The following EGFR variants were observed in gnomAD, a reference collection of about 807,000 sequenced individuals.
The protein encoded by EGFR is avian erythroblastic leukemia viral (v-erb-b) oncogene homolog.
In EGFR, 58 loss-of-function variants were observed where a neutral mutation model predicts 143.0. That is an observed-to-expected ratio of 0.41 (90% CI 0.33 to 0.50). EGFR has a LOEUF of 0.50. Ranked by LOEUF, EGFR falls within the 20% of genes least tolerant of loss-of-function variation. The pLI, the probability that EGFR is intolerant of heterozygous loss-of-function variation, is 0.39. For synonymous variants in EGFR, 613 were observed against 594.4 expected, an observed-to-expected ratio of 1.03 and a Z score of -0.45; for missense variants, 1,307 against 1,579.0, an observed-to-expected ratio of 0.83 and a Z score of 2.92.
chr7:55,070,008 C>G (rs1789727427), intron 1 of EGFR, among the ~76,000 whole-genome samples: 2 of 152,170 alleles, frequency 1.3e-5, no homozygotes. Context: ...CCTGAAGTAT[C>G]TTTAAATTTA....
rs1788091561 is a variant in EGFR at position 55,205,917 on chromosome 7, T to C, written c.*300T>C. ...ATATTTGAAAAAAAAAAAAAGTATATGTGAGGATTTTTATTGATTGGGGAT... is the reference window on the plus strand; with the variant it reads ...ATATTTGAAAAAAAAAAAAAGTATACGTGAGGATTTTTATTGATTGGGGAT... On this transcript the variant is annotated 3_prime_UTR_variant, in exon 28 of 28. Transcript: ENST00000275493. 2.2e-6 allele frequency: 1 copy of C among 460,210 alleles called. No homozygotes were observed. The highest frequency in any genetic ancestry group is 2.4e-5 in the South Asian group (1 of 41,008). 28.5% of individuals were successfully genotyped at this position (460,210 alleles called of 1,614,324 possible).
At chr7:55,173,811 C>A (rs2128953289) in intron 17 of EGFR, 110 bp from the exon 18 acceptor site, 1 of 1,578,426 alleles carries the variant, frequency 6.3e-7, no homozygotes, top group Non-Finnish European at 8.7e-7. Context: ...GTCCTGGCAC[C>A]CAAGCCCATG....
At chr7:55,170,559 C>A (rs565556314) in intron 15 of EGFR, 1 of 1,612,516 alleles carries the variant, frequency 6.2e-7, no homozygotes, top group South Asian at 1.1e-5. Context: ...CATGCCTTCA[C>A]GTGTCTGTTC....
At chr7:55,086,116 T>C (rs898562199) in intron 1 of EGFR, among the ~76,000 whole-genome samples, 4 of 152,208 alleles carry the variant, frequency 2.6e-5, no homozygotes, top group African/African-American at 9.6e-5. Context: ...AATTATCTCG[T>C]GTCTACAGTG....
At chr7:55,112,915 CT>C (rs1792601422) in intron 1 of EGFR, among the ~76,000 whole-genome samples, 1 of 152,298 alleles carries the variant, frequency 6.6e-6, no homozygotes, top group African/African-American at 2.4e-5. Context: ...CAGCCTTTGT[CT>C]TTTATAATGG....
intron 1 of EGFR, among the ~76,000 whole-genome samples, chr7:55,050,606 G>A (rs1342068136): frequency 6.6e-6 from 1 of 152,134 alleles, no homozygotes; most frequent in Non-Finnish European, 1.5e-5. Context: ...TCACTCCCCA[G>A]CTTAAAACCT....
At chr7:55,020,135 C>T (rs1260022438) in intron 1 of EGFR, among the ~76,000 whole-genome samples, 1 of 152,240 alleles carries the variant, frequency 6.6e-6, no homozygotes, top group East Asian at 1.9e-4. Context: ...CAGGTGGGGT[C>T]CGACCCGCCC....
chr7:55,054,793 C>T (rs17289050), intron 1 of EGFR, among the ~76,000 whole-genome samples: 2 of 152,330 alleles, frequency 1.3e-5, no homozygotes, highest in African/African-American at 4.8e-5. Context: ...GGCATGGCTG[C>T]TTCTTCCTCA....
chr7:55,146,056 C>A (rs1373296121), intron 3 of EGFR, among the ~76,000 whole-genome samples: 3 of 152,182 alleles, frequency 2.0e-5, no homozygotes, highest in Admixed American at 1.3e-4. Flanking sequence ...TACAGTTTCA[C>A]CATCCTGTGC....
chr7:55,057,458 A>T (rs1057035805), intron 1 of EGFR, among the ~76,000 whole-genome samples: 1 of 152,166 alleles, frequency 6.6e-6, no homozygotes, highest in African/African-American at 2.4e-5. Flanking sequence ...ATTTCTTGAT[A>T]ATGTTAAATA....
chr7:55,154,679 T>C (rs1402615966), intron 7 of EGFR, among the ~76,000 whole-genome samples: 2 of 152,224 alleles, frequency 1.3e-5, no homozygotes, highest in Non-Finnish European at 2.9e-5. Flanking sequence ...TGGTTTGGGT[T>C]TGAGTTTTGC....
At chr7:55,115,303 A>T (rs1227968889) in intron 1 of EGFR, among the ~76,000 whole-genome samples, 2 of 152,220 alleles carry the variant, frequency 1.3e-5, no homozygotes, top group Non-Finnish European at 2.9e-5. Flanking sequence ...GACAGGCATG[A>T]TCTCTTAACC....
chr7:55,023,650 CA>C (rs11372886), intron 1 of EGFR, among the ~76,000 whole-genome samples: 1,843 of 93,962 alleles, frequency 0.02, 11 homozygotes, highest in Middle Eastern at 0.074. Flanking sequence ...GACTCCATCT[CA>C]AAAAAAAAAA....
intron 21 of EGFR, 121 bp downstream of exon 21, chr7:55,191,995 C>T (rs2128964988): frequency 6.9e-7 from 1 of 1,449,030 alleles, no homozygotes; most frequent in Admixed American, 1.9e-5. Flanking sequence ...TCTGGGTGAG[C>T]TCGCAGCAGC....
chr7:55,204,806 ACACAC>A (rs1327414629), intron 27 of EGFR, among the ~76,000 whole-genome samples: 1 of 94,940 alleles, frequency 1.1e-5, no homozygotes, highest in Non-Finnish European at 2.7e-5. Flanking sequence ...ACACGTATAC[ACACAC>A]CACATATACA....
rs1794581131 is a variant in EGFR at position 55,143,440 on chromosome 7, G to C, written c.376G>C (p.Asp126His). Reference protein sequence around the residue: ...SYALAVLSNYDANKTGLKELP... With the variant: ...SYALAVLSNYHANKTGLKELP... ...TGCCTTAGCAGTCTTATCTAACTAT[G>C]ATGCAAATAAAACCGGACTGAAGGA... is the stretch of plus-strand genomic sequence containing the variant. Residue 126 changes from aspartate to histidine, a missense_variant, in exon 3 of 28, where the codon GAT becomes CAT. By Grantham distance (81) the Asp-to-His change is moderately conservative. Around this residue, in one of 7 missense-constraint regions of EGFR, gnomAD observed 311 missense variants for 412.3 expected, o/e 0.75. Transcript: ENST00000275493. The C allele has an allele frequency of 6.2e-7, 1 of 1,614,094 alleles. No individual in the cohort carries two copies. The highest frequency in any genetic ancestry group is 8.5e-7 in the Non-Finnish European group (1 of 1,180,044).
chr7:55,114,538 A>G (rs890855696), intron 1 of EGFR, among the ~76,000 whole-genome samples: 8 of 152,202 alleles, frequency 5.3e-5, no homozygotes, highest in African/African-American at 1.9e-4. Context: ...ATGTTTAATT[A>G]TTAGAGGACT....
At chr7:55,078,964 G>A (rs919115685) in intron 1 of EGFR, among the ~76,000 whole-genome samples, 3 of 152,200 alleles carry the variant, frequency 2.0e-5, no homozygotes, top group African/African-American at 7.2e-5. Flanking sequence ...CCCACCCCAG[G>A]GAGCAGGCGG....
Position 55,194,028 on chromosome 7 carries a change from A to G in EGFR, c.2701+1187A>G, listed in dbSNP as rs570616790. ...TAAGGAAATAAAGGTCTGCTGATGCATTGTTATTTACAGCCATTTTCAGAA... is the reference window on the plus strand; with the variant it reads ...TAAGGAAATAAAGGTCTGCTGATGCGTTGTTATTTACAGCCATTTTCAGAA... On this transcript the variant is annotated intron_variant, in intron 22 of 27. Coordinates refer to ENST00000275493, the MANE Select transcript of EGFR (RefSeq NM_005228.5). 3.9e-5 allele frequency among the ~76,000 whole-genome samples: 6 copies of G among 152,238 alleles called. No individual in the cohort carries two copies. In the East Asian group the frequency reaches 9.7e-4, roughly 25 times the overall value.
Sources: allele counts gnomAD v4.1 joint callset (sites outside exome capture counted in the v4.1 genomes callset), GRCh38; gene constraint gnomAD v4.1.1; regional missense constraint gnomAD v4.1.1; transcripts MANE v1.5; gene names NCBI Gene and HGNC (gene_info 2026-07-23, HGNC 2026-07-21).